LDB2: variants seen among roughly 807,000 people sequenced by gnomAD.
LDB2 encodes LIM domain-binding protein 2.
LDB2 carries 12 observed loss-of-function variants against 44.3 expected under a neutral mutation model. The ratio of observed to expected loss-of-function variants is 0.27; its 90% CI spans 0.17 to 0.44. LDB2 has a LOEUF of 0.44. Ranked by LOEUF, LDB2 falls within the 20% of genes least tolerant of loss-of-function variation. LDB2 has a pLI of 1.00. For missense variants in LDB2, 344 were observed against 473.5 expected (o/e 0.73, Z 2.54); for synonymous variants, 164 against 174.8 (o/e 0.94, Z 0.49).
At chr4:16,574,848 A>C (rs958984892) in intron 5 of LDB2, among the ~76,000 whole-genome samples, 1 of 152,204 alleles carries the variant, frequency 6.6e-6, no homozygotes, top group African/African-American at 2.4e-5. Context: ...TCAGATGAAA[A>C]AAATTGGATT....
At chr4:16,892,664 G>A (rs1009412809) in intron 1 of LDB2, among the ~76,000 whole-genome samples, 9 of 152,104 alleles carry the variant, frequency 5.9e-5, no homozygotes, top group East Asian at 3.8e-4. Flanking sequence ...GTTGTTTTAC[G>A]TTTCGTTTGC....
At chr4:16,791,416 A>T (rs1016953888) in intron 1 of LDB2, among the ~76,000 whole-genome samples, 2 of 151,926 alleles carry the variant, frequency 1.3e-5, no homozygotes, top group African/African-American at 4.8e-5. Context: ...TTAGCTGGGC[A>T]TGGTCGTGAG....
At chr4:16,609,383 T>A (rs905479717) in intron 2 of LDB2, among the ~76,000 whole-genome samples, 1 of 150,350 alleles carries the variant, frequency 6.7e-6, no homozygotes, top group Non-Finnish European at 1.5e-5. Context: ...ACCAGCTGCC[T>A]GCTGTCTAAG....
chr4:16,525,765 C>G (rs540444093), intron 5 of LDB2, among the ~76,000 whole-genome samples: 1 of 151,836 alleles, frequency 6.6e-6, no homozygotes, highest in East Asian at 1.9e-4. Flanking sequence ...TGATAAGTAC[C>G]AAAGAGAAAA....
At chr4:16,738,060 A>G (rs1762260742) in intron 2 of LDB2, among the ~76,000 whole-genome samples, 1 of 152,200 alleles carries the variant, frequency 6.6e-6, no homozygotes, top group South Asian at 2.1e-4. Flanking sequence ...TCTAATCCCA[A>G]ATCACATTCT....
intron 1 of LDB2, among the ~76,000 whole-genome samples, chr4:16,873,142 G>T (rs1398755864): frequency 1.3e-5 from 2 of 152,180 alleles, no homozygotes; most frequent in Non-Finnish European, 2.9e-5. Context: ...ATTTAGCCCA[G>T]GGTGCTATAT....
chr4:16,678,226 C>T (rs1282890986), intron 2 of LDB2, among the ~76,000 whole-genome samples: 1 of 152,182 alleles, frequency 6.6e-6, no homozygotes, highest in East Asian at 1.9e-4. Context: ...AGTTGTAGGA[C>T]TTACCTTCTT....
At chr4:16,567,639 G>C (rs1015209247) in intron 5 of LDB2, among the ~76,000 whole-genome samples, 6 of 152,078 alleles carry the variant, frequency 3.9e-5, no homozygotes, top group Non-Finnish European at 8.8e-5. Context: ...GTGTGGTGGC[G>C]GGCGCCTGTA....
intron 5 of LDB2, among the ~76,000 whole-genome samples, chr4:16,524,316 C>A (rs995011714): frequency 1.3e-5 from 2 of 152,126 alleles, no homozygotes; most frequent in African/African-American, 4.8e-5. Flanking sequence ...GGATTCCAAA[C>A]TGGATGCACA....
At chr4:16,588,131 G>A (rs1717662221) in intron 4 of LDB2, among the ~76,000 whole-genome samples, 1 of 152,116 alleles carries the variant, frequency 6.6e-6, no homozygotes, top group South Asian at 2.1e-4. Context: ...TACATCTCTA[G>A]ATCGGCATAG....
chr4:16,676,687 G>A (rs1450244903), intron 2 of LDB2, among the ~76,000 whole-genome samples: 1 of 152,198 alleles, frequency 6.6e-6, no homozygotes, highest in Non-Finnish European at 1.5e-5. Context: ...ACTCAGGAAT[G>A]AGACACGTTT....
intron 2 of LDB2, among the ~76,000 whole-genome samples, chr4:16,608,897 G>A (rs545665578): frequency 1.3e-5 from 2 of 152,228 alleles, no homozygotes; most frequent in African/African-American, 4.8e-5. Flanking sequence ...TTCTCTCTCT[G>A]GCTTCATTCT....
chr4:16,827,629 T>C lies in LDB2; in HGVS notation c.133-68369A>G, dbSNP rs1291204259. On this transcript the variant is annotated intron_variant, in intron 1 of 7. Coordinates refer to ENST00000304523, the MANE Select transcript of LDB2 (RefSeq NM_001290.5). ...AATATACATACGTGTGTGTGTAATG[T>C]GGAATGTGAATAGATCAAGAAAATT... Among the ~76,000 whole-genome samples the C allele has an allele frequency of 2.0e-5, 3 of 152,320 alleles. No individual in the cohort carries two copies. In the East Asian group the frequency reaches 5.8e-4, roughly 29 times the overall value.
intron 1 of LDB2, among the ~76,000 whole-genome samples, chr4:16,823,317 G>A (rs1488082442): frequency 6.6e-6 from 1 of 152,216 alleles, no homozygotes; most frequent in Non-Finnish European, 1.5e-5. Context: ...CCCGAGATAA[G>A]AAGTCACTTT....
chr4:16,825,454 C>A (rs1438551813), intron 1 of LDB2, among the ~76,000 whole-genome samples: 1 of 152,156 alleles, frequency 6.6e-6, no homozygotes, highest in African/African-American at 2.4e-5. Context: ...TTGGCCACAT[C>A]CAGTCTGTAA....
At chr4:16,680,397 A>T (rs1411782910) in intron 2 of LDB2, among the ~76,000 whole-genome samples, 1 of 152,188 alleles carries the variant, frequency 6.6e-6, no homozygotes, top group Admixed American at 6.5e-5. Context: ...ACTGCATCTC[A>T]AGACCACCTC....
chr4:16,839,055 CAAAG>C (rs1432507231), intron 1 of LDB2, among the ~76,000 whole-genome samples: 1 of 152,114 alleles, frequency 6.6e-6, no homozygotes, highest in Non-Finnish European at 1.5e-5. Context: ...CAATGAAAGA[CAAAG>C]AAAGGAGAGG....
chr4:16,610,076 GA>G (rs1475712156), intron 2 of LDB2, among the ~76,000 whole-genome samples: 7 of 151,954 alleles, frequency 4.6e-5, no homozygotes, highest in Non-Finnish European at 8.8e-5. Flanking sequence ...AATATGGCCT[GA>G]AGTGAACCTC....
intron 1 of LDB2, among the ~76,000 whole-genome samples, chr4:16,762,988 C>G (rs1042978126): frequency 1.3e-5 from 2 of 151,810 alleles, no homozygotes; most frequent in African/African-American, 2.4e-5. Flanking sequence ...ATGATTCAAA[C>G]TAGCTTCAGT....
Sources: gnomAD v4.1 joint callset for allele counts (sites outside exome capture counted in the v4.1 genomes callset) on GRCh38, gnomAD v4.1.1 for gene constraint, MANE v1.5 for transcripts, NCBI Gene and HGNC (gene_info 2026-07-23, HGNC 2026-07-21) for gene names.